Variants in STK33 observed in about 807,000 individuals in gnomAD.
STK33 encodes the protein serine/threonine kinase 33.
Under a neutral mutation model 58.0 loss-of-function variants are expected in STK33, and 52 were observed. The observed-to-expected ratio is 0.90, with a 90% confidence interval of 0.72 to 1.13. The LOEUF (loss-of-function observed/expected upper bound fraction) is 1.13. Among genes scored for constraint, STK33 ranks in the 50% most tolerant of loss-of-function variants. STK33 has a pLI of 0.00. For missense variants in STK33, 630 were observed against 604.2 expected, an observed-to-expected ratio of 1.04 and a Z score of -0.45; for synonymous variants, 215 against 200.1, an observed-to-expected ratio of 1.07 and a Z score of -0.63.
intron 14 of STK33, among the ~76,000 whole-genome samples, chr11:8,431,068 T>C (rs1049891226): frequency 6.6e-6 from 1 of 152,050 alleles, no homozygotes; most frequent in African/African-American, 2.4e-5. Context: ...GGTTTCACCA[T>C]ATTGGCCAGG....
the STK33 span, among the ~76,000 whole-genome samples, chr11:8,357,149 C>T: frequency 6.6e-6 from 1 of 152,266 alleles, no homozygotes; most frequent in Non-Finnish European, 1.5e-5. Flanking sequence ...GAACTCTGCT[C>T]CAAGTAATTA....
chr11:8,562,424 G>A (rs886396314), intron 1 of STK33, among the ~76,000 whole-genome samples: 83 of 152,154 alleles, frequency 5.5e-4, no homozygotes, highest in African/African-American at 1.9e-3. Context: ...TTCCCATGGC[G>A]TGTCCCAACA....
At chr11:8,389,316 G>C (rs185418639), downstream of STK33, among the ~76,000 whole-genome samples, 153 of 152,322 alleles carry the variant, frequency 1.0e-3, no homozygotes, top group Non-Finnish European at 2.0e-3. Flanking sequence ...TCAGCGTCTG[G>C]ACCTGGCTCT....
At chr11:8,378,462 G>A in the STK33 span, among the ~76,000 whole-genome samples, 11 of 152,222 alleles carry the variant, frequency 7.2e-5, no homozygotes, top group Admixed American at 3.3e-4. Flanking sequence ...AGGTTGCAGT[G>A]AGTCAAGATC....
chr11:8,371,798 CCT>C, the STK33 span, among the ~76,000 whole-genome samples: 63 of 139,742 alleles, frequency 4.5e-4, no homozygotes, highest in Admixed American at 1.5e-3. Flanking sequence ...TCTCCCTCTC[CCT>C]CTCTCTCTCC....
Position 8,486,087 on chromosome 11 carries a change from C to T in STK33, c.-465-5473G>A, listed in dbSNP as rs577927799. On this transcript the variant is annotated intron_variant, in intron 1 of 15. Transcript: ENST00000687296. ...CTGGATTACTGCAAGAGTTTCCTAACTGGTCAACCTGACTCCAACTAAGCC... is the reference window on the plus strand; with the variant it reads ...CTGGATTACTGCAAGAGTTTCCTAATTGGTCAACCTGACTCCAACTAAGCC... Among the ~76,000 whole-genome samples, 10 of 152,254 alleles carry T rather than the reference C, an allele frequency of 6.6e-5. No homozygotes were observed. In the East Asian group the frequency reaches 1.9e-3, roughly 29 times the overall value.
intron 1 of STK33, among the ~76,000 whole-genome samples, chr11:8,557,449 C>G (rs1207549418): frequency 6.6e-6 from 1 of 151,578 alleles, no homozygotes; most frequent in Non-Finnish European, 1.5e-5. Flanking sequence ...TCTTACGTGC[C>G]AAAATCAGAA....
intron 11 of STK33, among the ~76,000 whole-genome samples, chr11:8,449,206 A>G (rs1027154277): frequency 4.0e-5 from 6 of 151,670 alleles, no homozygotes; most frequent in Admixed American, 3.9e-4. Context: ...TAGTTCAACC[A>G]TTGTGGAAGA....
intron 2 of STK33, among the ~76,000 whole-genome samples, chr11:8,478,311 A>C (rs1265256732): frequency 2.6e-5 from 4 of 152,204 alleles, no homozygotes; most frequent in Admixed American, 1.3e-4. Context: ...AATATGTATT[A>C]CAAAAACCAA....
chr11:8,435,950 A>T, intron 13 of STK33, 77 bp downstream of exon 13: 1 of 777,368 alleles, frequency 1.3e-6, no homozygotes, highest in Non-Finnish European at 1.9e-6. Context: ...ACAGAGATTT[A>T]AAACATTTTA....
At chr11:8,398,663 T>G (rs1382665085) in intron 15 of STK33, among the ~76,000 whole-genome samples, 1 of 152,092 alleles carries the variant, frequency 6.6e-6, no homozygotes, top group Non-Finnish European at 1.5e-5. Context: ...AGACACAGAC[T>G]GGCAAATTGG....
At chr11:8,536,972 A>AAAATTTT (rs1565305538) in intron 1 of STK33, among the ~76,000 whole-genome samples, 1 of 65,734 alleles carries the variant, frequency 1.5e-5, no homozygotes. Flanking sequence ...AAAAAAAAAG[A>AAAATTTT]TTTTTTTTTT....
At chr11:8,458,711 AT>A (rs1265798596) in intron 8 of STK33, among the ~76,000 whole-genome samples, 8 of 152,196 alleles carry the variant, frequency 5.3e-5, no homozygotes, top group African/African-American at 9.6e-5. Context: ...GTCAAAAAAG[AT>A]TCACAGTCAA....
chr11:8,356,467 G>A, the STK33 span, among the ~76,000 whole-genome samples: 120 of 152,200 alleles, frequency 7.9e-4, no homozygotes, highest in African/African-American at 2.8e-3. Flanking sequence ...CCTTTCCTGC[G>A]GACAGTGGTG....
At chr11:8,476,623 C>T (rs1254720398) in intron 4 of STK33, 64 bp downstream of exon 4, 1 of 152,208 alleles carries the variant, frequency 6.6e-6, no homozygotes, top group African/African-American at 2.4e-5. Context: ...GGCTTCTGCT[C>T]ATTTGAAAGG....
intron 9 of STK33, among the ~76,000 whole-genome samples, chr11:8,455,803 T>C: frequency 1.0e-5 from 1 of 98,096 alleles, no homozygotes; most frequent in African/African-American, 3.8e-5. Flanking sequence ...AGAGAGAGAC[T>C]CTGTCTCAAA....
intron 1 of STK33, among the ~76,000 whole-genome samples, chr11:8,591,332 T>C (rs2032555530): frequency 6.6e-6 from 1 of 152,232 alleles, no homozygotes; most frequent in Non-Finnish European, 1.5e-5. Flanking sequence ...TTGCTAATAT[T>C]ACAAAATAAC....
At chr11:8,349,828 G>A in the STK33 span, among the ~76,000 whole-genome samples, 1 of 152,204 alleles carries the variant, frequency 6.6e-6, no homozygotes, top group African/African-American at 2.4e-5. Flanking sequence ...CCCCACACCA[G>A]CTTGGCTTCT....
Position 8,457,308 on chromosome 11 carries a change from T to C in STK33, c.697+33A>G, listed in dbSNP as rs1946976874. 8 of 1,487,840 alleles carry C rather than the reference T, an allele frequency of 5.4e-6. No individual in the cohort carries two copies. The East Asian group carries it at 1.8e-4, about 34-fold the overall frequency. The allele number at this position is 1,487,840 out of a possible 1,614,324, so 92.2% of individuals were successfully genotyped here. ...TAAACAAAAGTGACATTAGTATTCATGGGGTCAATGAGCTGGATAACCCTC... is the reference window on the plus strand; with the variant it reads ...TAAACAAAAGTGACATTAGTATTCACGGGGTCAATGAGCTGGATAACCCTC... On this transcript the variant is annotated intron_variant, in intron 9 of 15. Coordinates refer to ENST00000687296, the MANE Select transcript of STK33 (RefSeq NM_001352389.2).
Sources: allele counts gnomAD v4.1 joint callset (sites outside exome capture counted in the v4.1 genomes callset), GRCh38; gene constraint gnomAD v4.1.1; transcripts MANE v1.5; gene names NCBI Gene and HGNC (gene_info 2026-07-23, HGNC 2026-07-21).